The following ASS1 variants were observed in gnomAD, a reference collection of about 807,000 sequenced individuals.
ASS1 encodes argininosuccinate synthase 1.
Under a neutral mutation model 60.5 loss-of-function variants are expected in ASS1, and 58 were observed. The ratio of observed to expected loss-of-function variants is 0.96; its 90% confidence interval spans 0.78 to 1.19. The LOEUF (loss-of-function observed/expected upper bound fraction) is 1.19, where lower values mean the gene tolerates loss of function less well. Ranked by LOEUF, ASS1 falls within the 50% of genes most tolerant of loss-of-function variation. The pLI is 0.00. For synonymous variants in ASS1, 200 were observed against 206.9 expected, an observed-to-expected ratio of 0.97 and a Z score of 0.29; for missense variants, 454 against 547.3, an observed-to-expected ratio of 0.83 and a Z score of 1.70.
chr9:130,452,262 A>G lies in ASS1; in HGVS notation c.34A>G (p.Ser12Gly), dbSNP rs1283372037. 1.2e-6 allele frequency: 2 copies of G among 1,614,050 alleles called. No homozygotes were observed. The highest frequency in any genetic ancestry group is 1.7e-6 in the Non-Finnish European group (2 of 1,180,018). ...SSKGSVVLAY[S>G]GGLDTSCILV... Reference sequence around the variant, plus strand: ...CAAAGGCTCCGTGGTTCTGGCCTACAGTGGCGGCCTGGACACCTCGTGCAT... The same window carrying G: ...CAAAGGCTCCGTGGTTCTGGCCTACGGTGGCGGCCTGGACACCTCGTGCAT... Residue 12 changes from serine (S) to glycine (G), a missense_variant, in exon 2 of 15, where the codon AGT becomes GGT. Ser to Gly is a moderately conservative substitution (Grantham distance 56, BLOSUM62 0). Coordinates refer to ENST00000352480, the MANE Select transcript of ASS1 (RefSeq NM_054012.4).
chr9:130,482,584 G>C (rs926367776), intron 11 of ASS1, among the ~76,000 whole-genome samples: 5 of 152,018 alleles, frequency 3.3e-5, no homozygotes, highest in African/African-American at 1.2e-4. Flanking sequence ...TGTGGGGTGG[G>C]GCGAGTCAAG....
At chr9:130,499,435 C>T (rs1846683029) in intron 13 of ASS1, 70 bp from the exon 14 acceptor site, 2 of 1,521,186 alleles carry the variant, frequency 1.3e-6, no homozygotes, top group Admixed American at 1.8e-5. Flanking sequence ...CTGCTTCTGG[C>T]CCCAGCAGTC....
intron 13 of ASS1, among the ~76,000 whole-genome samples, chr9:130,497,777 A>T (rs114048541): frequency 6.6e-6 from 1 of 152,148 alleles, no homozygotes; most frequent in Non-Finnish European, 1.5e-5. Flanking sequence ...TCTGTGTCCT[A>T]CGTTCTCCCT....
chr9:130,500,128 C>A (rs1424319264), intron 14 of ASS1, among the ~76,000 whole-genome samples: 1 of 152,134 alleles, frequency 6.6e-6, no homozygotes, highest in Non-Finnish European at 1.5e-5. Flanking sequence ...GGAAATCAAG[C>A]ATGCGGCTCA....
chr9:130,466,909 T>C (rs1206536773), intron 6 of ASS1, 110 bp downstream of exon 6: 1 of 1,263,544 alleles, frequency 7.9e-7, no homozygotes, highest in East Asian at 2.5e-5. Context: ...ACTGACCCCA[T>C]GTGATGGGGG....
rs539785908 is a variant in ASS1, at chr9:130,477,692, G to A, written c.688+731G>A. Among the ~76,000 whole-genome samples, 40 of 152,324 alleles carry A rather than the reference G, an allele frequency of 2.6e-4. No homozygotes were observed. Among genetic ancestry groups the A allele is most frequent in the African/African-American group, 8.9e-4 (37 of 41,580 alleles). The stretch of plus-strand genomic sequence containing the variant: ...GGCTCAGAGGGAGGGCTCAGAGGGC[G>A]GGCTCAGAGGGCCTGAAGGGGTACC... On this transcript the variant is annotated intron_variant, in intron 9 of 14. Transcript: ENST00000352480. This position sits in a 1 kb window ranked among gnomAD's most constrained non-coding sequence, Gnocchi z 4.2.
At chr9:130,463,607 A>G (rs868043171) in intron 4 of ASS1, among the ~76,000 whole-genome samples, 3 of 151,998 alleles carry the variant, frequency 2.0e-5, no homozygotes, top group South Asian at 2.1e-4. Context: ...ACCTAGTTCC[A>G]CCTCCTCCCT....
At chr9:130,468,421 T>G in intron 6 of ASS1, among the ~76,000 whole-genome samples, 1 of 151,680 alleles carries the variant, frequency 6.6e-6, no homozygotes, top group Non-Finnish European at 1.5e-5. Flanking sequence ...TAAAAAAAAA[T>G]TTTTTTTAGA....
chr9:130,444,744 C>A (rs1447964695), upstream of ASS1, among the ~76,000 whole-genome samples: 1 of 151,860 alleles, frequency 6.6e-6, no homozygotes, highest in East Asian at 1.9e-4. The surrounding 1 kb of genome is among the most constrained non-coding windows in gnomAD (Gnocchi z 4.7). Flanking sequence ...GGCGCCGGGC[C>A]CAGGCCCGGA....
intron 5 of ASS1, among the ~76,000 whole-genome samples, chr9:130,465,049 TA>T (rs55661000): frequency 0.048 from 5,077 of 105,724 alleles, 138 homozygotes; most frequent in African/African-American, 0.091. Flanking sequence ...TATATATATA[TA>T]TATATATTTT....
At chr9:130,480,361 C>T in intron 10 of ASS1, 24 bp from the exon 11 acceptor site, 1 of 1,614,160 alleles carries the variant, frequency 6.2e-7, no homozygotes, top group Non-Finnish European at 8.5e-7. Flanking sequence ...GCGCCCGAAC[C>T]TAATGGACCA....
At chr9:130,483,664 C>G (rs553995725) in intron 11 of ASS1, among the ~76,000 whole-genome samples, 2 of 151,854 alleles carry the variant, frequency 1.3e-5, no homozygotes, top group East Asian at 1.9e-4. Context: ...CTCTCTGGCC[C>G]CAGACTTCTC....
chr9:130,466,125 C>G (rs1000386602), intron 5 of ASS1, among the ~76,000 whole-genome samples: 1 of 152,244 alleles, frequency 6.6e-6, no homozygotes, highest in Non-Finnish European at 1.5e-5. Flanking sequence ...CACATGCCCC[C>G]GAGTCCTGCT....
intron 4 of ASS1, among the ~76,000 whole-genome samples, chr9:130,462,137 G>A (rs578151885): frequency 1.3e-4 from 19 of 151,702 alleles, no homozygotes; most frequent in African/African-American, 4.3e-4. Context: ...GGTGGCCCTT[G>A]CGGGGCTCCT....
At position 130,452,009 on chromosome 9, in the gene ASS1, G is replaced by A. The variant is rs150904366; in HGVS notation, c.-5-215G>A. On this transcript the variant is annotated intron_variant, in intron 1 of 14. Transcript: ENST00000352480. ...CTGCAGTCAGCATTCCCAGGCCCCA[G>A]TGTGGTCTGTGGGGCTGTGTGCAGA... 0.011 allele frequency: 7,636 copies of A among 677,806 alleles called. 90 individuals carry two copies. The highest frequency in any genetic ancestry group is 0.022 in the Middle Eastern group (91 of 4,222). The allele number at this position is 677,806 out of a possible 1,614,324, so 42.0% of individuals were successfully genotyped here. A position where few individuals can be genotyped will look rare whatever the true frequency, so the allele number is the denominator to read the frequency against.
rs200379004 is a variant in ASS1 at position 130,452,232 on chromosome 9, T to A, written c.4T>A (p.Ser2Thr). Reference sequence around the variant, plus strand: ...TCCTCGACTCCCGCCAGACGCTATGTCCAGCAAAGGCTCCGTGGTTCTGGC... The same window carrying A: ...TCCTCGACTCCCGCCAGACGCTATGACCAGCAAAGGCTCCGTGGTTCTGGC... M[S>T]SKGSVVLAYS... Residue 2 changes from serine (S) to threonine (T), a missense_variant, in exon 2 of 15, where the codon TCC becomes ACC. By Grantham distance (58) the Ser-to-Thr change is moderately conservative. Coordinates refer to ENST00000352480, the MANE Select transcript of ASS1 (RefSeq NM_054012.4). The A allele has an allele frequency of 2.5e-6, 4 of 1,614,166 alleles. No individual in the cohort carries two copies. The East Asian group carries it at 8.9e-5, about 36-fold the overall frequency.
chr9:130,452,357 G>C (rs779992374), intron 2 of ASS1, 24 bp downstream of exon 2: 2 of 1,594,080 alleles, frequency 1.3e-6, no homozygotes, highest in Non-Finnish European at 1.7e-6. Context: ...CTGGGTGTCT[G>C]TCTTCCTGCG....
At position 130,489,255 on chromosome 9, in the gene ASS1, T is replaced by TGTCATTTGC; in HGVS notation, c.839-78_839-77insGTCATTTGC. 1.3e-6 allele frequency: 2 copies of TGTCATTTGC among 1,566,306 alleles called. No homozygotes were observed. Among genetic ancestry groups the TGTCATTTGC allele is most frequent in the Admixed American group, 1.7e-5 (1 of 57,956 alleles). On this transcript the variant is annotated intron_variant, in intron 11 of 14. Coordinates refer to ENST00000352480, the MANE Select transcript of ASS1 (RefSeq NM_054012.4). The surrounding 1 kb of genome is among the most constrained non-coding windows in gnomAD (Gnocchi z 4.1). ...CTCATTATTATTATTATTTTTTTTT[T>TGTCATTTGC]TGTCATTTGCTGACAGTTTGGGTTT...
At chr9:130,493,742 C>G (rs544202924) in intron 12 of ASS1, among the ~76,000 whole-genome samples, 135 of 151,904 alleles carry the variant, frequency 8.9e-4, no homozygotes, top group African/African-American at 2.8e-3. Context: ...TCCCTCCCCC[C>G]GCCATGGCCT....
Sources: gnomAD v4.1 joint callset for allele counts (sites outside exome capture counted in the v4.1 genomes callset) on GRCh38, gnomAD v4.1.1 for gene constraint, Gnocchi (gnomAD v3.1) non-coding constraint, MANE v1.5 for transcripts, NCBI Gene and HGNC (gene_info 2026-07-23, HGNC 2026-07-21) for gene names.